PLXNB1: variants seen among roughly 807,000 people sequenced by gnomAD.
The protein encoded by PLXNB1 is plexin B1, also known as plexin-B1.
In PLXNB1, 106 loss-of-function variants were observed where a neutral mutation model predicts 209.4. The ratio of observed to expected loss-of-function variants is 0.51; its 90% CI spans 0.43 to 0.59. The LOEUF (loss-of-function observed/expected upper bound fraction) is 0.59, where lower values mean the gene tolerates loss of function less well. Among genes scored for constraint, PLXNB1 ranks in the 20% least tolerant of loss-of-function variants. The pLI is 0.00. For synonymous variants in PLXNB1, 1,167 were observed against 1,183.2 expected, an observed-to-expected ratio of 0.99 and a Z score of 0.28; for missense variants, 2,357 against 2,853.2, an observed-to-expected ratio of 0.83 and a Z score of 3.96.
rs756748558 is a variant in PLXNB1 at position 48,413,872 on chromosome 3, C to T, written c.4386+23G>A. The stretch of plus-strand genomic sequence containing the variant: ...GTTTGGCCCAGGTCAATGCCCAGCC[C>T]GGCCAGGGACCTGCCCACTGACCGT... On this transcript the variant is annotated intron_variant, in intron 22 of 37. Transcript: ENST00000296440. This position sits in a 1 kb window ranked among gnomAD's most constrained non-coding sequence, Gnocchi z 5.4. 40 of 1,605,996 alleles carry T rather than the reference C, an allele frequency of 2.5e-5. No homozygotes were observed. The highest frequency in any genetic ancestry group is 1.7e-5 in the Admixed American group (1 of 59,664).
chr3:48,416,218 C>A lies in PLXNB1; in HGVS notation c.3481-51G>T. The A allele has an allele frequency of 6.3e-7, 1 of 1,578,152 alleles. No homozygotes were observed. Among genetic ancestry groups the A allele is most frequent in the South Asian group, 1.1e-5 (1 of 87,904 alleles). ...GAGCATCAGACCAGACACATGGAGGCAGGGACAGCCTGAGAGACAGGCTGG... is the reference window on the plus strand; with the variant it reads ...GAGCATCAGACCAGACACATGGAGGAAGGGACAGCCTGAGAGACAGGCTGG... On this transcript the variant is annotated intron_variant, in intron 17 of 37. Transcript: ENST00000296440. The surrounding 1 kb of genome is among the most constrained non-coding windows in gnomAD (Gnocchi z 4.1).
chr3:48,424,116 G>C lies in PLXNB1; in HGVS notation c.496C>G (p.Leu166Val). The C allele has an allele frequency of 6.4e-7, 1 of 1,556,108 alleles. No individual in the cohort carries two copies. The highest frequency in any genetic ancestry group is 8.7e-7 in the Non-Finnish European group (1 of 1,149,934). ...VAQGLAGEPL[L>V]FVGRGYTSRG... is the part of the protein sequence containing the mutation. Reference sequence around the variant, plus strand: ...CTGGTGTATCCTCGCCCCACAAACAGGAGGGGCTCCCCTGCCAAGCCCTGG... The same window carrying C: ...CTGGTGTATCCTCGCCCCACAAACACGAGGGGCTCCCCTGCCAAGCCCTGG... The change falls in exon 3 of 38, where the codon CTG (leucine) becomes GTG (valine). Residue 166 changes from leucine to valine, a missense_variant. This residue lies in a region of PLXNB1 where 404 missense variants were observed against 443.6 expected (regional missense o/e 0.91). Transcript: ENST00000296440.
rs552640466 is a variant in PLXNB1, at chr3:48,406,811, G to A, written c.6228+12C>T. On this transcript the variant is annotated intron_variant, in intron 36 of 37. Transcript: ENST00000296440. This position sits in a 1 kb window ranked among gnomAD's most constrained non-coding sequence, Gnocchi z 4.4. Reference sequence around the variant, plus strand: ...GCCTATGCCCAACCCAAGAAGCAGAGGGAGGCCTTACCCAGGACAGTTCAG... The same window carrying A: ...GCCTATGCCCAACCCAAGAAGCAGAAGGAGGCCTTACCCAGGACAGTTCAG... 1.1e-5 allele frequency: 17 copies of A among 1,597,680 alleles called. No individual in the cohort carries two copies. The highest frequency in any genetic ancestry group is 1.5e-5 in the Non-Finnish European group (17 of 1,171,950).
At chr3:48,423,409 C>T (rs1575409163) in intron 3 of PLXNB1, 96 bp downstream of exon 3, 2 of 1,355,666 alleles carry the variant, frequency 1.5e-6, no homozygotes, top group East Asian at 2.3e-5. Flanking sequence ...CGTGCTACCA[C>T]CAGCTGCCCT....
In PLXNB1 at chr3:48,424,056, TTG is replaced by T. The variant is rs762966298; in HGVS notation, c.554_555del (p.Thr185AsnfsTer16). 6.3e-7 allele frequency: 1 copy of T among 1,589,374 alleles called. No individual in the cohort carries two copies. Among genetic ancestry groups the T allele is most frequent in the Non-Finnish European group, 8.6e-7 (1 of 1,167,140 alleles). On this transcript the variant is annotated frameshift_variant, in exon 3 of 38. Coordinates refer to ENST00000296440, the MANE Select transcript of PLXNB1 (RefSeq NM_001130082.3). LOFTEE classifies it high-confidence loss of function. ...GGGTCGGGCGGCCACAGGGCCCGGG[TTG>T]TGATGGGTGGAATGCCACCCCCCAC... ...RGVGGGIPPI[T>X]TRALWPPDPQ... is the part of the protein sequence containing the mutation.
chr3:48,416,362 T>C lies in PLXNB1; in HGVS notation c.3464A>G (p.His1155Arg). The stretch of plus-strand genomic sequence containing the variant: ...GTCAGGTACCTGGTAGGCAAAGTCG[T>C]GTTCTGAGACACCACGTCCTCTTCC... ...VPGRGRGVSE[H>R]DFAYQDPKVH... The change falls in exon 17 of 38, where the codon CAC (histidine) becomes CGC (arginine). Residue 1155 changes from histidine to arginine, a missense_variant. Physicochemically the swap from His to Arg is conservative, Grantham distance 29 (BLOSUM62 0). Coordinates refer to ENST00000296440, the MANE Select transcript of PLXNB1 (RefSeq NM_001130082.3). This position sits in a 1 kb window ranked among gnomAD's most constrained non-coding sequence, Gnocchi z 4.1. 6.2e-7 allele frequency: 1 copy of C among 1,612,364 alleles called. No individual in the cohort carries two copies. Among genetic ancestry groups the C allele is most frequent in the South Asian group, 1.1e-5 (1 of 90,994 alleles).
At position 48,429,331 on chromosome 3, in the gene PLXNB1, C is replaced by A. The variant is rs2039066574; in HGVS notation, c.-60+677G>T. 1 of 151,378 alleles carries A rather than the reference C, an allele frequency of 6.6e-6. No homozygotes were observed. 9.4% of individuals were successfully genotyped at this position (151,378 alleles called of 1,614,324 possible). On this transcript the variant is annotated intron_variant, in intron 1 of 37. Coordinates refer to ENST00000296440, the MANE Select transcript of PLXNB1 (RefSeq NM_001130082.3). This position sits in a 1 kb window ranked among gnomAD's most constrained non-coding sequence, Gnocchi z 6.4. ...GGGCTCGGGCTCCGCGCGCAGCGGCCTCTCCCCGGGTCTGGCGGAGCCGCA... is the reference window on the plus strand; with the variant it reads ...GGGCTCGGGCTCCGCGCGCAGCGGCATCTCCCCGGGTCTGGCGGAGCCGCA...
rs775595061 is a variant in PLXNB1 at position 48,421,352 on chromosome 3, C to T, written c.1686G>A (p.Leu562=). 60 of 1,561,356 alleles carry T rather than the reference C, an allele frequency of 3.8e-5. No individual in the cohort carries two copies. In the Admixed American group the frequency reaches 1.1e-3, roughly 29 times the overall value. ...VFLSVPDLPP[L]WPGESYSCHF... is the part of the protein sequence containing the mutation. ...GGCAGGAATATGACTCCCCTGGCCA[C>T]AGGGGTGGCAGGTCTGGCACTGATA... Residue 562 remains leucine, a synonymous_variant, in exon 8 of 38, where the codon CTG becomes CTA. Transcript: ENST00000296440.
chr3:48,411,113 A>T lies in PLXNB1; in HGVS notation c.5248-77T>A. ...AAGACACAGGCCAAGGGCAGAGACA[A>T]CTCATGAGAAACTGCTGCCTCCAAT... On this transcript the variant is annotated intron_variant, in intron 28 of 37. Coordinates refer to ENST00000296440, the MANE Select transcript of PLXNB1 (RefSeq NM_001130082.3). The surrounding 1 kb of genome is among the most constrained non-coding windows in gnomAD (Gnocchi z 4.0). The T allele has an allele frequency of 7.6e-7, 1 of 1,321,726 alleles. No homozygotes were observed. Among genetic ancestry groups the T allele is most frequent in the Non-Finnish European group, 1.0e-6 (1 of 961,708 alleles). The allele number at this position is 1,321,726 out of a possible 1,614,324, so 81.9% of individuals were successfully genotyped here. A position where few individuals can be genotyped will look rare whatever the true frequency, so the allele number is the denominator to read the frequency against.
Position 48,415,649 on chromosome 3 carries a change from C to G in PLXNB1, c.3728G>C (p.Arg1243Pro). 5.1e-6 allele frequency: 8 copies of G among 1,577,326 alleles called. No individual in the cohort carries two copies. Among genetic ancestry groups the G allele is most frequent in the Non-Finnish European group, 6.9e-6 (8 of 1,161,136 alleles). ...GTCCAAGGTATACTTGAACTGTCCG[C>G]GTTGAAGCCTCCGCTCCGTGGCCCC... ...WFGATERRLQ[R>P]GQFKYTLDPN... The change falls in exon 19 of 38, where the codon CGC (arginine) becomes CCC (proline). Residue 1243 changes from arginine to proline, a missense_variant. Transcript: ENST00000296440. This position sits in a 1 kb window ranked among gnomAD's most constrained non-coding sequence, Gnocchi z 5.0.
rs764324462 is a variant in PLXNB1 at position 48,417,993 on chromosome 3, G to A, written c.3292C>T (p.His1098Tyr). Residue 1098 changes from histidine to tyrosine, a missense_variant, in exon 16 of 38, where the codon CAT becomes TAT. By Grantham distance (83) the His-to-Tyr change is moderately conservative. This residue lies in a region of PLXNB1 where 743 missense variants were observed against 896.2 expected (regional missense o/e 0.83). Transcript: ENST00000296440. The surrounding 1 kb of genome is among the most constrained non-coding windows in gnomAD (Gnocchi z 4.4). ...VTIRGSNLGQ[H>Y]VQDVLGMVTV... The stretch of plus-strand genomic sequence containing the variant: ...ACCATGCCCAGCACATCCTGCACAT[G>A]CTGGCCCAGGTTGGAGCCCCTGATG... 6.2e-7 allele frequency: 1 copy of A among 1,613,492 alleles called. No homozygotes were observed. Among genetic ancestry groups the A allele is most frequent in the African/African-American group, 1.3e-5 (1 of 75,066 alleles).
At position 48,410,295 on chromosome 3, in the gene PLXNB1, C is replaced by A; in HGVS notation, c.5605+1G>T. On this transcript the variant is annotated splice_donor_variant, in intron 31 of 37. Transcript: ENST00000296440. LOFTEE classifies it high-confidence loss of function. The surrounding 1 kb of genome is among the most constrained non-coding windows in gnomAD (Gnocchi z 6.4). ...AGGACCGTGATGGGAGCGGTACTCACGCTCTCCAGGGACATAATCCTGGTT... is the reference window on the plus strand; with the variant it reads ...AGGACCGTGATGGGAGCGGTACTCAAGCTCTCCAGGGACATAATCCTGGTT... The A allele has an allele frequency of 6.2e-7, 1 of 1,604,134 alleles. No individual in the cohort carries two copies. The highest frequency in any genetic ancestry group is 1.1e-5 in the South Asian group (1 of 89,320).
Position 48,406,474 on chromosome 3 carries a change from G to T in PLXNB1, c.6228+349C>A. The T allele has an allele frequency of 1.7e-6, 1 of 576,322 alleles. No homozygotes were observed. The highest frequency in any genetic ancestry group is 2.2e-6 in the Non-Finnish European group (1 of 456,272). 35.7% of individuals were successfully genotyped at this position (576,322 alleles called of 1,614,324 possible). On this transcript the variant is annotated intron_variant, in intron 36 of 37. Coordinates refer to ENST00000296440, the MANE Select transcript of PLXNB1 (RefSeq NM_001130082.3). The surrounding 1 kb of genome is among the most constrained non-coding windows in gnomAD (Gnocchi z 4.4). ...TTAGGGCGGTTTCAGGAATGGGAGA[G>T]GTGAAGGGGACACCTGTGCCACCAA...
chr3:48,411,600 C>T lies in PLXNB1; in HGVS notation c.5247+263G>A, dbSNP rs1264214526. On this transcript the variant is annotated intron_variant, in intron 28 of 37. Transcript: ENST00000296440. This position sits in a 1 kb window ranked among gnomAD's most constrained non-coding sequence, Gnocchi z 4.0. ...AGCCCATGGTCTAAGGTAGGGCTGGCTTCTCCCAAACCCTGGTTGTGGCTA... is the reference window on the plus strand; with the variant it reads ...AGCCCATGGTCTAAGGTAGGGCTGGTTTCTCCCAAACCCTGGTTGTGGCTA... 6.6e-6 allele frequency among the ~76,000 whole-genome samples: 1 copy of T among 152,168 alleles called. No homozygotes were observed. Among genetic ancestry groups the T allele is most frequent in the East Asian group, 1.9e-4 (1 of 5,196 alleles).
intron 4 of PLXNB1, 47 bp from the exon 5 acceptor site, chr3:48,422,506 G>A: frequency 1.3e-6 from 2 of 1,517,822 alleles, no homozygotes; most frequent in Non-Finnish European, 1.8e-6. Context: ...CATGGCCAGA[G>A]GCCCAAAGCC....
intron 1 of PLXNB1, among the ~76,000 whole-genome samples, chr3:48,428,396 T>C (rs527460397): frequency 5.3e-5 from 8 of 152,212 alleles, no homozygotes; most frequent in Admixed American, 3.3e-4. Context: ...CCCCCACACA[T>C]GCCCTGGAGT....
In PLXNB1 at chr3:48,406,937, AAGCCCACTCCCCTGCTCCCAACCAG is replaced by A; in HGVS notation, c.6153-64_6153-40del. ...AGGGCACAGCAGCTGCTGGGTAAAC[AAGCCCACTCCCCTGCTCCCAACCAG>A]AGCCCACCCCCCAAGCCTCAGCTGC... On this transcript the variant is annotated intron_variant, in intron 35 of 37. Coordinates refer to ENST00000296440, the MANE Select transcript of PLXNB1 (RefSeq NM_001130082.3). The surrounding 1 kb of genome is among the most constrained non-coding windows in gnomAD (Gnocchi z 4.4). The A allele has an allele frequency of 1.2e-6, 2 of 1,608,944 alleles. No individual in the cohort carries two copies. Among genetic ancestry groups the A allele is most frequent in the African/African-American group, 1.3e-5 (1 of 74,862 alleles).
rs767659107 is a variant in PLXNB1, at chr3:48,409,987, C to T, written c.5696G>A (p.Arg1899Gln). 9 of 1,612,822 alleles carry T rather than the reference C, an allele frequency of 5.6e-6. No individual in the cohort carries two copies. The South Asian group carries it at 6.6e-5, about 12-fold the overall frequency. Residue 1899 changes from arginine (R) to glutamine (Q), a missense_variant, in exon 32 of 38, where the codon CGG (arginine) becomes CAG (glutamine). Coordinates refer to ENST00000296440, the MANE Select transcript of PLXNB1 (RefSeq NM_001130082.3). The surrounding 1 kb of genome is among the most constrained non-coding windows in gnomAD (Gnocchi z 5.8). ...CTCCCCGCCCCGAAGGCTGCCCCTC[C>T]GAGGCCTGGGCGGCTCCGGCTCATC... Reference protein sequence around the residue: ...PSDEPEPPRPRRGSLRGGERE... With the variant: ...PSDEPEPPRPQRGSLRGGERE...
Position 48,403,925 on chromosome 3 carries a change from A to C in PLXNB1, c.*561T>G, listed in dbSNP as rs2037160018. 1 of 153,922 alleles carries C rather than the reference A, an allele frequency of 6.5e-6. No individual in the cohort carries two copies. The highest frequency in any genetic ancestry group is 1.5e-5 in the Non-Finnish European group (1 of 68,928). 9.5% of individuals were successfully genotyped at this position (153,922 alleles called of 1,614,324 possible). On this transcript the variant is annotated 3_prime_UTR_variant, in exon 38 of 38. Coordinates refer to ENST00000296440, the MANE Select transcript of PLXNB1 (RefSeq NM_001130082.3). ...ACTCTCCCCAAGACCCCCCTGCAGC[A>C]GATAGCCCTCACCATGGCTACCTAT...
Sources: allele counts gnomAD v4.1 joint callset (sites outside exome capture counted in the v4.1 genomes callset), GRCh38; gene constraint gnomAD v4.1.1; regional missense constraint gnomAD v4.1.1; non-coding constraint Gnocchi (gnomAD v3.1); transcripts MANE v1.5; gene names NCBI Gene and HGNC (gene_info 2026-07-23, HGNC 2026-07-21).